ARHGEF28: variants seen among roughly 807,000 people sequenced by gnomAD.
ARHGEF28 encodes 190 kDa guanine nucleotide exchange factor.
In ARHGEF28, 152 loss-of-function variants were observed where a neutral mutation model predicts 206.6. The ratio of observed to expected loss-of-function variants is 0.74; its 90% confidence interval spans 0.64 to 0.84. The LOEUF is 0.84. ARHGEF28 is among the 40% of genes least tolerant of loss of function. The pLI is 0.00. For missense variants in ARHGEF28, 2,028 were observed against 2,073.2 expected (o/e 0.98, Z 0.42); for synonymous variants, 763 against 776.4 (o/e 0.98, Z 0.29).
intron 1 of ARHGEF28, among the ~76,000 whole-genome samples, chr5:73,661,421 T>A (rs2112191135): frequency 6.6e-6 from 1 of 152,304 alleles, no homozygotes; most frequent in East Asian, 1.9e-4. Flanking sequence ...TTCACTTTCT[T>A]ATCATTCGTG....
chr5:73,872,483 T>C (rs1473512308), intron 21 of ARHGEF28, among the ~76,000 whole-genome samples: 2 of 152,224 alleles, frequency 1.3e-5, no homozygotes, highest in African/African-American at 2.4e-5. Context: ...TTGTGATGCA[T>C]TGTTTTCCTC....
chr5:73,775,782 A>C (rs1239569439), intron 5 of ARHGEF28, among the ~76,000 whole-genome samples: 1 of 152,190 alleles, frequency 6.6e-6, no homozygotes, highest in African/African-American at 2.4e-5. Flanking sequence ...CTTATAAGCC[A>C]TCCAGAATAT....
chr5:73,747,179 G>A (rs568241633), intron 2 of ARHGEF28, among the ~76,000 whole-genome samples: 5 of 152,236 alleles, frequency 3.3e-5, no homozygotes, highest in African/African-American at 1.2e-4. Context: ...TGATATTTAT[G>A]CCAACAAATT....
At chr5:73,940,752 C>A in intron 35 of ARHGEF28, 92 bp from the exon 36 acceptor site, 1 of 1,179,658 alleles carries the variant, frequency 8.5e-7, no homozygotes, top group Non-Finnish European at 1.1e-6. Flanking sequence ...ATGGGCACTG[C>A]ATTTCCTAAT....
intron 1 of ARHGEF28, among the ~76,000 whole-genome samples, chr5:73,684,610 A>C (rs753646513): frequency 1.9e-4 from 29 of 152,324 alleles, no homozygotes; most frequent in African/African-American, 6.5e-4. Context: ...TTGCTAAGTC[A>C]TATGGTAATT....
At chr5:73,756,204 A>G (rs907971078) in intron 4 of ARHGEF28, among the ~76,000 whole-genome samples, 1 of 152,240 alleles carries the variant, frequency 6.6e-6, no homozygotes, top group African/African-American at 2.4e-5. Flanking sequence ...CTAGAAGAGT[A>G]TCTAAACATA....
chr5:73,638,337 A>G (rs1400239539), intron 1 of ARHGEF28, among the ~76,000 whole-genome samples: 2 of 152,238 alleles, frequency 1.3e-5, no homozygotes, highest in Non-Finnish European at 2.9e-5. Flanking sequence ...AAACTTAGTT[A>G]TACATGTGTG....
chr5:73,724,429 G>A (rs577430350), intron 2 of ARHGEF28, among the ~76,000 whole-genome samples: 4 of 152,228 alleles, frequency 2.6e-5, no homozygotes, highest in East Asian at 3.9e-4. Flanking sequence ...CAGTGTGAAC[G>A]TGCATATAGT....
chr5:73,659,374 C>CA (rs1455496367), intron 1 of ARHGEF28, among the ~76,000 whole-genome samples: 1 of 151,920 alleles, frequency 6.6e-6, no homozygotes, highest in African/African-American at 2.4e-5. Flanking sequence ...ACTAAAAATA[C>CA]AAAAAATTAG....
intron 9 of ARHGEF28, among the ~76,000 whole-genome samples, chr5:73,808,366 G>T (rs928206142): frequency 6.6e-6 from 1 of 152,186 alleles, no homozygotes; most frequent in Non-Finnish European, 1.5e-5. Flanking sequence ...AGATGTGAAT[G>T]TGCTGTTTCT....
intron 1 of ARHGEF28, among the ~76,000 whole-genome samples, chr5:73,633,574 T>TC (rs1000934548): frequency 4.2e-5 from 6 of 141,578 alleles, no homozygotes; most frequent in African/African-American, 1.6e-4. Flanking sequence ...CCTTTAATTT[T>TC]TTTTTTTTTT....
chr5:73,709,428 A>G (rs191112896), intron 2 of ARHGEF28, among the ~76,000 whole-genome samples: 154 of 152,334 alleles, frequency 1.0e-3, no homozygotes, highest in Middle Eastern at 3.4e-3. Flanking sequence ...AATGTAATAT[A>G]AATAGAATCC....
chr5:73,761,469 G>T (rs1456436402), intron 4 of ARHGEF28, among the ~76,000 whole-genome samples: 1 of 152,158 alleles, frequency 6.6e-6, no homozygotes, highest in African/African-American at 2.4e-5. Flanking sequence ...GTGAGGCAGG[G>T]AGCCAGAAGA....
intron 2 of ARHGEF28, among the ~76,000 whole-genome samples, chr5:73,690,218 A>G (rs527904946): frequency 5.9e-5 from 9 of 152,250 alleles, no homozygotes; most frequent in Non-Finnish European, 8.8e-5. Context: ...CTGGGCATTT[A>G]ATTAAACTTT....
intron 1 of ARHGEF28, among the ~76,000 whole-genome samples, chr5:73,655,908 G>A (rs1745167603): frequency 6.6e-6 from 1 of 152,198 alleles, no homozygotes; most frequent in African/African-American, 2.4e-5. Flanking sequence ...TCACAAAATG[G>A]TTGATGTGGT....
intron 25 of ARHGEF28, among the ~76,000 whole-genome samples, chr5:73,886,927 T>G (rs1761338236): frequency 6.6e-6 from 1 of 152,236 alleles, no homozygotes; most frequent in Non-Finnish European, 1.5e-5. Flanking sequence ...AGGAAGAGGT[T>G]GTTAAATTCT....
chr5:73,661,952 T>C (rs1745623457), intron 1 of ARHGEF28, among the ~76,000 whole-genome samples: 1 of 152,132 alleles, frequency 6.6e-6, no homozygotes, highest in Admixed American at 6.5e-5. Flanking sequence ...ATAGACTTGC[T>C]CAATGCAGGA....
intron 3 of ARHGEF28, among the ~76,000 whole-genome samples, 178 bp from the exon 4 acceptor site, chr5:73,752,731 C>T (rs1463549521): frequency 1.3e-5 from 2 of 152,140 alleles, no homozygotes; most frequent in East Asian, 3.9e-4. Context: ...ATGGAGTCAG[C>T]ATTAGTTTGG....
intron 35 of ARHGEF28, chr5:73,923,293 A>T (rs76824593): frequency 1.2e-6 from 1 of 809,104 alleles, no homozygotes; most frequent in Non-Finnish European, 1.8e-6. Flanking sequence ...GTAAAAAAAA[A>T]TCAAATACTA....
Sources: allele counts gnomAD v4.1 joint callset (sites outside exome capture counted in the v4.1 genomes callset), GRCh38; gene constraint gnomAD v4.1.1; transcripts MANE v1.5; gene names NCBI Gene and HGNC (gene_info 2026-07-23, HGNC 2026-07-21).